Variants in RBFOX1 observed in about 807,000 individuals in gnomAD.
RBFOX1 encodes RNA binding protein fox-1 homolog 1.
Under a neutral mutation model 57.7 loss-of-function variants are expected in RBFOX1, and 8 were observed. That is an observed-to-expected ratio of 0.14 (90% CI 0.08 to 0.25). The LOEUF is 0.25. RBFOX1 is among the 10% of genes least tolerant of loss of function. RBFOX1 has a pLI of 1.00. For missense variants in RBFOX1, 611 were observed against 548.5 expected (o/e 1.11, Z -1.14); for synonymous variants, 326 against 222.4 (o/e 1.47, Z -4.15).
At chr16:7,594,310 C>T (rs1358162642) in intron 7 of RBFOX1, among the ~76,000 whole-genome samples, 1 of 152,166 alleles carries the variant, frequency 6.6e-6, no homozygotes, top group South Asian at 2.1e-4. Context: ...AAGTATTATA[C>T]TGTCCCAACT....
intron 3 of RBFOX1, among the ~76,000 whole-genome samples, chr16:5,663,269 G>C (rs566068380): frequency 6.6e-6 from 1 of 152,198 alleles, no homozygotes; most frequent in East Asian, 1.9e-4. Context: ...GGAGTGCAGT[G>C]GCACGAACAT....
intron 11 of RBFOX1, among the ~76,000 whole-genome samples, chr16:7,630,996 T>TA (rs1462375848): frequency 6.6e-6 from 1 of 152,158 alleles, no homozygotes. Flanking sequence ...CAAATTAATA[T>TA]AAAAATAATT....
chr16:6,266,726 AG>A (rs1385877248), intron 1 of RBFOX1, among the ~76,000 whole-genome samples: 2 of 151,092 alleles, frequency 1.3e-5, no homozygotes, highest in African/African-American at 2.4e-5. Context: ...AAAAAAAAAA[AG>A]AAGAAGAAGA....
chr16:5,292,177 G>C (rs575216403), intron 1 of RBFOX1, among the ~76,000 whole-genome samples: 1 of 152,340 alleles, frequency 6.6e-6, no homozygotes, highest in African/African-American at 2.4e-5. Flanking sequence ...AATCTGTTTA[G>C]ATGTGCGCCA....
chr16:5,961,061 A>T (rs1318263694), intron 4 of RBFOX1, among the ~76,000 whole-genome samples: 1 of 152,198 alleles, frequency 6.6e-6, no homozygotes, highest in Non-Finnish European at 1.5e-5. Context: ...AAGGAGAAAG[A>T]AAGTTTGAGA....
At chr16:7,487,619 C>G (rs1184511430) in intron 4 of RBFOX1, among the ~76,000 whole-genome samples, 1 of 152,194 alleles carries the variant, frequency 6.6e-6, no homozygotes, top group African/African-American at 2.4e-5. Context: ...CTATCCACTC[C>G]TGCACCTGTT....
In RBFOX1 at chr16:7,453,120, C is replaced by G. The variant is rs182223997; in HGVS notation, c.28-65027C>G. On this transcript the variant is annotated intron_variant, in intron 4 of 15. Transcript: ENST00000550418. ...CTCCAGGCTGGATGACAGAGAGAGGCTTTGTCTCAAAAAAAAAAAAAAAAA... is the reference window on the plus strand; with the variant it reads ...CTCCAGGCTGGATGACAGAGAGAGGGTTTGTCTCAAAAAAAAAAAAAAAAA... 3.4e-3 allele frequency among the ~76,000 whole-genome samples: 391 copies of G among 114,702 alleles called. 2 individuals carry two copies. The highest frequency in any genetic ancestry group is 6.1e-3 in the South Asian group (19 of 3,122). 75.2% of individuals were successfully genotyped at this position (114,702 alleles called of 152,430 possible).
At chr16:5,309,822 C>T (rs946097293) in intron 1 of RBFOX1, among the ~76,000 whole-genome samples, 1 of 152,222 alleles carries the variant, frequency 6.6e-6, no homozygotes, top group African/African-American at 2.4e-5. Flanking sequence ...CAGAAAACCA[C>T]AGTTCATCTG....
rs563621760 is a variant in RBFOX1, at chr16:6,795,284, C to T, written c.-16+140634C>T. Among the ~76,000 whole-genome samples, 242 of 152,140 alleles carry T rather than the reference C, an allele frequency of 1.6e-3. 8 individuals are homozygous for T. In the South Asian group the frequency reaches 0.049, roughly 31 times the overall value. ...AGTCAAGTCACCTTGATAGAAGGGG[C>T]CTTGAGAGCTCATCTAATTCAGTGA... On this transcript the variant is annotated intron_variant, in intron 3 of 15. Transcript: ENST00000550418.
At chr16:7,298,069 ACTT>A (rs2095937963) in intron 4 of RBFOX1, among the ~76,000 whole-genome samples, 2 of 152,030 alleles carry the variant, frequency 1.3e-5, no homozygotes, top group South Asian at 4.1e-4. Flanking sequence ...ATATCCTGAA[ACTT>A]CTTAGAGAAT....
chr16:6,618,335 C>G (rs1239982166), intron 2 of RBFOX1, among the ~76,000 whole-genome samples: 30 of 152,304 alleles, frequency 2.0e-4, no homozygotes, highest in African/African-American at 2.4e-5. Flanking sequence ...AACGCAGTTT[C>G]AAGCCCTTAG....
rs538189262 is a variant in RBFOX1, at chr16:6,044,905, A to T, written c.-127+24913A>T. 7.9e-5 allele frequency among the ~76,000 whole-genome samples: 12 copies of T among 152,348 alleles called. No homozygotes were observed. The South Asian group carries it at 2.5e-3, about 32-fold the overall frequency. On this transcript the variant is annotated intron_variant, in intron 1 of 15. Transcript: ENST00000550418. ...TTTAGAATGAGAGTTCCCTCTGCAT[A>T]CATGTAGACCAACTTTGTAAAATTT...
chr16:6,309,146 G>A (rs1354260857), intron 1 of RBFOX1, among the ~76,000 whole-genome samples: 2 of 152,046 alleles, frequency 1.3e-5, no homozygotes, highest in African/African-American at 4.8e-5. Context: ...TGTACTCGGT[G>A]GAGAAATAAT....
At chr16:6,868,614 G>C (rs751979475) in intron 3 of RBFOX1, among the ~76,000 whole-genome samples, 5 of 152,032 alleles carry the variant, frequency 3.3e-5, no homozygotes, top group Non-Finnish European at 1.5e-5. Flanking sequence ...TGGGATTATA[G>C]GCACACACCA....
At chr16:5,992,827 G>A (rs112754730) in intron 4 of RBFOX1, among the ~76,000 whole-genome samples, 5 of 152,230 alleles carry the variant, frequency 3.3e-5, no homozygotes, top group East Asian at 3.9e-4. Flanking sequence ...CCAGCTATTC[G>A]GGAGGCTGAT....
At chr16:5,272,044 G>C (rs2063024168) in intron 1 of RBFOX1, among the ~76,000 whole-genome samples, 1 of 152,152 alleles carries the variant, frequency 6.6e-6, no homozygotes, top group Admixed American at 6.6e-5. Flanking sequence ...ATTGTGAATA[G>C]TGCTGCAGTG....
intron 15 of RBFOX1, chr16:7,709,354 A>C (rs1463697258): frequency 1.9e-6 from 2 of 1,026,932 alleles, no homozygotes; most frequent in African/African-American, 3.3e-5. Flanking sequence ...CTAATTTTGC[A>C]AGTCTCACCT....
chr16:6,788,896 G>GCT (rs2082432022), intron 3 of RBFOX1, among the ~76,000 whole-genome samples: 1 of 152,104 alleles, frequency 6.6e-6, no homozygotes, highest in Non-Finnish European at 1.5e-5. Context: ...CTAACTCTCT[G>GCT]CTCTAAGAAC....
At chr16:6,218,302 T>TTTAC (rs1301440182) in intron 1 of RBFOX1, among the ~76,000 whole-genome samples, 58 of 107,454 alleles carry the variant, frequency 5.4e-4, no homozygotes, top group African/African-American at 1.8e-3. Context: ...TATTTATTTA[T>TTTAC]TTACTTATTT....
Sources: allele counts gnomAD v4.1 joint callset (sites outside exome capture counted in the v4.1 genomes callset), GRCh38; gene constraint gnomAD v4.1.1; transcripts MANE v1.5; gene names NCBI Gene and HGNC (gene_info 2026-07-23, HGNC 2026-07-21).